RFX3: variants seen among roughly 807,000 people sequenced by gnomAD.
The protein encoded by RFX3 is regulatory factor X3, also known as transcription factor RFX3.
Under a neutral mutation model 98.6 loss-of-function variants are expected in RFX3, and 14 were observed. The ratio of observed to expected loss-of-function variants is 0.14; its 90% confidence interval spans 0.09 to 0.22. The LOEUF is 0.22. RFX3 is among the 10% of genes least tolerant of loss of function. RFX3 has a pLI of 1.00. For missense variants in RFX3, 639 were observed against 926.9 expected (o/e 0.69, Z 4.03); for synonymous variants, 383 against 328.4 (o/e 1.17, Z -1.80).
intron 15 of RFX3, among the ~76,000 whole-genome samples, chr9:3,236,961 C>CAA (rs1367051269): frequency 6.6e-6 from 1 of 152,178 alleles, no homozygotes; most frequent in Non-Finnish European, 1.5e-5. Flanking sequence ...GCCCAAAGAA[C>CAA]AAATGATTAT....
At chr9:3,441,547 C>G (rs1325059428) in intron 1 of RFX3, among the ~76,000 whole-genome samples, 1 of 151,900 alleles carries the variant, frequency 6.6e-6, no homozygotes. Flanking sequence ...CTTGTAGTAT[C>G]AAAAAATAAA....
chr9:3,457,139 CAAAAAAAAAAAAAAAA>C (rs1169959832), intron 1 of RFX3, among the ~76,000 whole-genome samples: 6 of 22,816 alleles, frequency 2.6e-4, no homozygotes, highest in South Asian at 2.7e-3. Context: ...GACTCCATCT[CAAAAAAAAAAAAAAAA>C]AAAAAAAAAA....
intron 1 of RFX3, among the ~76,000 whole-genome samples, chr9:3,429,273 C>T (rs1844422840): frequency 6.6e-6 from 1 of 151,108 alleles, no homozygotes; most frequent in Admixed American, 6.6e-5. Context: ...CCGCCCGTCT[C>T]GGCCTCCCAA....
At position 3,223,030 on chromosome 9, in the gene RFX3, TAACTTTAC is replaced by T. The variant is rs1218979127; in HGVS notation, c.*2004_*2011del. 6.6e-6 allele frequency: 1 copy of T among 152,198 alleles called. No homozygotes were observed. The highest frequency in any genetic ancestry group is 2.4e-5 in the African/African-American group (1 of 41,460). The allele number at this position is 152,198 out of a possible 1,614,324, so 9.4% of individuals were successfully genotyped here. On this transcript the variant is annotated 3_prime_UTR_variant, in exon 17 of 17. Coordinates refer to ENST00000617270, the MANE Select transcript of RFX3 (RefSeq NM_001282116.2). ...TACCCGATAAGCCATTTGGTATTTC[TAACTTTAC>T]AGACTGGCTCACCTCGTCTTTCCAA... is the stretch of plus-strand genomic sequence containing the variant.
At chr9:3,387,478 AG>A (rs1026467567) in intron 2 of RFX3, among the ~76,000 whole-genome samples, 1 of 152,190 alleles carries the variant, frequency 6.6e-6, no homozygotes, top group African/African-American at 2.4e-5. Context: ...GGTCAACAAA[AG>A]GGCCTTAATA....
chr9:3,504,195 A>ATATAT, intron 1 of RFX3, among the ~76,000 whole-genome samples: 2 of 95,284 alleles, frequency 2.1e-5, no homozygotes, highest in South Asian at 3.1e-4. Context: ...ATTATATATT[A>ATATAT]TATATATTAT....
intron 1 of RFX3, among the ~76,000 whole-genome samples, chr9:3,508,594 ACTTT>A (rs1817347121): frequency 6.6e-6 from 1 of 151,966 alleles, no homozygotes; most frequent in Non-Finnish European, 1.5e-5. Context: ...ATTTCATCAT[ACTTT>A]CGTTTATTAC....
intron 2 of RFX3, among the ~76,000 whole-genome samples, chr9:3,359,068 C>G (rs887714156): frequency 6.6e-6 from 1 of 151,516 alleles, no homozygotes; most frequent in African/African-American, 2.4e-5. Flanking sequence ...GGTTTTTCTG[C>G]CATCCTTTAA....
chr9:3,436,758 C>T (rs1408744133), intron 1 of RFX3, among the ~76,000 whole-genome samples: 2 of 151,952 alleles, frequency 1.3e-5, no homozygotes, highest in African/African-American at 4.8e-5. Context: ...TAAAAATGAA[C>T]TTGAGAAGAC....
intron 1 of RFX3, among the ~76,000 whole-genome samples, chr9:3,438,357 A>G (rs1416843457): frequency 2.0e-5 from 3 of 152,142 alleles, no homozygotes; most frequent in Non-Finnish European, 4.4e-5. Context: ...CAGTAAGTCT[A>G]TATCTATCTT....
At chr9:3,306,617 G>A (rs1829349735) in intron 4 of RFX3, among the ~76,000 whole-genome samples, 1 of 123,752 alleles carries the variant, frequency 8.1e-6, no homozygotes, top group African/African-American at 2.9e-5. Flanking sequence ...GGGGGAGGGG[G>A]GAGGGATACC....
At chr9:3,460,915 T>G (rs1430044493) in intron 1 of RFX3, among the ~76,000 whole-genome samples, 1 of 151,904 alleles carries the variant, frequency 6.6e-6, no homozygotes, top group African/African-American at 2.4e-5. Context: ...CAAACGCCTC[T>G]CAATACTTCT....
chr9:3,395,677 T>C, intron 1 of RFX3, 81 bp from the exon 2 acceptor site: 1 of 1,470,504 alleles, frequency 6.8e-7, no homozygotes, highest in Non-Finnish European at 9.3e-7. Flanking sequence ...CTTAAAATCC[T>C]ATACTGAAAC....
intron 13 of RFX3, among the ~76,000 whole-genome samples, chr9:3,262,353 A>T (rs990435651): frequency 1.3e-5 from 2 of 152,214 alleles, no homozygotes; most frequent in African/African-American, 4.8e-5. Context: ...AAGGTTAAAA[A>T]ATATTTTTTC....
chr9:3,245,587 A>T (rs559318057), intron 15 of RFX3, among the ~76,000 whole-genome samples: 3 of 152,310 alleles, frequency 2.0e-5, no homozygotes, highest in Admixed American at 2.0e-4. Context: ...GTCAAGATAG[A>T]AGGACATAAA....
At chr9:3,437,314 C>T (rs980387713) in intron 1 of RFX3, among the ~76,000 whole-genome samples, 2 of 152,018 alleles carry the variant, frequency 1.3e-5, no homozygotes, top group African/African-American at 4.8e-5. Flanking sequence ...GCTTACAAAT[C>T]ATCAGTCCTA....
intron 3 of RFX3, among the ~76,000 whole-genome samples, chr9:3,338,769 C>G (rs991323975): frequency 6.6e-6 from 1 of 152,128 alleles, no homozygotes; most frequent in African/African-American, 2.4e-5. Context: ...CTGATTTTCA[C>G]AGGAACGAAA....
chr9:3,511,927 C>T (rs1001544742), intron 1 of RFX3, among the ~76,000 whole-genome samples: 3 of 152,028 alleles, frequency 2.0e-5, no homozygotes, highest in African/African-American at 4.8e-5. Context: ...ATTTATTGTA[C>T]ACTTTAAAAT....
At chr9:3,340,262 T>C (rs1833716631) in intron 3 of RFX3, among the ~76,000 whole-genome samples, 2 of 152,102 alleles carry the variant, frequency 1.3e-5, no homozygotes, top group Admixed American at 6.5e-5. Context: ...TCAAGATGGA[T>C]TAAAGACTTA....
Sources: allele counts gnomAD v4.1 joint callset (sites outside exome capture counted in the v4.1 genomes callset), GRCh38; gene constraint gnomAD v4.1.1; transcripts MANE v1.5; gene names NCBI Gene and HGNC (gene_info 2026-07-23, HGNC 2026-07-21).